The following DOCK2 variants were observed in gnomAD, a reference collection of about 807,000 sequenced individuals.
The protein encoded by DOCK2 is dedicator of cytokinesis 2.
DOCK2 carries 87 observed loss-of-function variants against 248.9 expected under a neutral mutation model. The ratio of observed to expected loss-of-function variants is 0.35; its 90% CI spans 0.29 to 0.42. DOCK2 has a LOEUF of 0.42. Ranked by LOEUF, DOCK2 falls within the 10% of genes least tolerant of loss-of-function variation. The pLI, the probability that DOCK2 is intolerant of heterozygous loss-of-function variation, is 1.00. For missense variants in DOCK2, 1,747 were observed against 2,300.2 expected, an observed-to-expected ratio of 0.76 and a Z score of 4.92; for synonymous variants, 805 against 821.6, an observed-to-expected ratio of 0.98 and a Z score of 0.35.
chr5:170,012,351 A>G (rs1191435886), intron 32 of DOCK2, among the ~76,000 whole-genome samples: 1 of 152,194 alleles, frequency 6.6e-6, no homozygotes, highest in Non-Finnish European at 1.5e-5. Context: ...CGTTTTTTCA[A>G]AGATGACTGA....
intron 25 of DOCK2, among the ~76,000 whole-genome samples, chr5:169,783,235 A>G (rs1381391653): frequency 2.6e-5 from 4 of 152,224 alleles, no homozygotes; most frequent in African/African-American, 9.6e-5. Context: ...AACTTTTATT[A>G]TATTAGATTT....
chr5:169,665,385 T>G (rs1758662180), intron 2 of DOCK2, among the ~76,000 whole-genome samples: 1 of 150,124 alleles, frequency 6.7e-6, no homozygotes, highest in South Asian at 2.1e-4. Flanking sequence ...TATATATAAA[T>G]ATGGTAGTGG....
At chr5:170,071,987 G>A (rs1757694574) in intron 46 of DOCK2, among the ~76,000 whole-genome samples, 1 of 152,074 alleles carries the variant, frequency 6.6e-6, no homozygotes, top group African/African-American at 2.4e-5. Flanking sequence ...CCGTACAGCT[G>A]GCTTATGTAA....
intron 27 of DOCK2, among the ~76,000 whole-genome samples, chr5:169,937,829 C>A (rs1776064141): frequency 6.6e-6 from 1 of 152,208 alleles, no homozygotes; most frequent in Non-Finnish European, 1.5e-5. Flanking sequence ...TTCTATTGGT[C>A]ACTGACAACA....
At chr5:170,054,664 G>A (rs1757051043) in intron 41 of DOCK2, among the ~76,000 whole-genome samples, 1 of 152,224 alleles carries the variant, frequency 6.6e-6, no homozygotes, top group South Asian at 2.1e-4. Context: ...ATTTTAGCAT[G>A]CATATGTTTC....
chr5:170,030,691 AGG>A (rs1756102413), intron 34 of DOCK2, among the ~76,000 whole-genome samples: 1 of 152,200 alleles, frequency 6.6e-6, no homozygotes, highest in Non-Finnish European at 1.5e-5. Flanking sequence ...TTTCACATAG[AGG>A]ACAGTCAATT....
chr5:170,057,622 C>T lies in DOCK2; in HGVS notation c.4423C>T (p.Leu1475=), dbSNP rs1308644847. Residue 1475 remains leucine, a synonymous_variant, in exon 44 of 52, where the codon CTG becomes TTG. Transcript: ENST00000520908. ...ERTSFVTAYK[L]PGILRWFEVV... ...AACCTCCTTCGTGACTGCATACAAG[C>T]TGCCGGGGATCCTGCGCTGGTTTGA... is the stretch of plus-strand genomic sequence containing the variant. 2.5e-6 allele frequency: 4 copies of T among 1,614,086 alleles called. No homozygotes were observed. The highest frequency in any genetic ancestry group is 2.2e-5 in the East Asian group (1 of 44,878).
intron 47 of DOCK2, 80 bp downstream of exon 47, chr5:170,076,164 G>A (rs1419393193): frequency 1.3e-6 from 2 of 1,548,480 alleles, no homozygotes; most frequent in East Asian, 2.3e-5. Context: ...TGAAGTTGGA[G>A]GGGATCCAGC....
At chr5:169,888,687 A>C (rs1320155866) in intron 27 of DOCK2, among the ~76,000 whole-genome samples, 1 of 152,180 alleles carries the variant, frequency 6.6e-6, no homozygotes, top group Non-Finnish European at 1.5e-5. Flanking sequence ...CCACTTTCTG[A>C]CTATTGACTT....
chr5:170,009,866 C>T (rs931638076), intron 32 of DOCK2, among the ~76,000 whole-genome samples: 2 of 152,178 alleles, frequency 1.3e-5, no homozygotes, highest in Admixed American at 1.3e-4. Flanking sequence ...AAGAGAAGTA[C>T]ATGCTGGATA....
At chr5:169,702,105 A>G (rs1761002746) in intron 13 of DOCK2, 198 bp from the exon 14 acceptor site, 4 of 450,284 alleles carry the variant, frequency 8.9e-6, no homozygotes, top group South Asian at 7.9e-5. Flanking sequence ...CTGATTTCCT[A>G]GCATCCCTTC....
intron 9 of DOCK2, among the ~76,000 whole-genome samples, chr5:169,691,984 T>C (rs1760330437): frequency 6.6e-6 from 1 of 152,064 alleles, no homozygotes; most frequent in Non-Finnish European, 1.5e-5. Context: ...GCCTCCCAAG[T>C]AGCTGAGACT....
chr5:169,727,921 C>T (rs762371418), intron 22 of DOCK2, among the ~76,000 whole-genome samples: 3 of 152,044 alleles, frequency 2.0e-5, no homozygotes, highest in East Asian at 1.9e-4. Context: ...AAGGTTAGTT[C>T]GTGGAAGATG....
intron 44 of DOCK2, among the ~76,000 whole-genome samples, chr5:170,062,809 C>A (rs1457091129): frequency 6.6e-6 from 1 of 152,080 alleles, no homozygotes; most frequent in Non-Finnish European, 1.5e-5. Context: ...AAAATGGAAT[C>A]CCCTGCTTCT....
At chr5:169,694,594 A>G (rs1279489913) in intron 9 of DOCK2, among the ~76,000 whole-genome samples, 1 of 152,178 alleles carries the variant, frequency 6.6e-6, no homozygotes, top group East Asian at 1.9e-4. Flanking sequence ...CAATAATTGT[A>G]TGTACTTCAG....
intron 44 of DOCK2, among the ~76,000 whole-genome samples, chr5:170,060,373 C>T (rs1757287472): frequency 6.6e-6 from 1 of 152,158 alleles, no homozygotes; most frequent in African/African-American, 2.4e-5. Context: ...AGTCCTAAAG[C>T]TATAAACTGG....
intron 27 of DOCK2, among the ~76,000 whole-genome samples, chr5:169,952,683 G>A (rs1282113373): frequency 4.6e-5 from 7 of 152,134 alleles, no homozygotes; most frequent in Non-Finnish European, 7.3e-5. Context: ...TCCTAATCCC[G>A]TGGATATCAT....
intron 1 of DOCK2, among the ~76,000 whole-genome samples, chr5:169,647,886 C>T (rs770358158): frequency 8.5e-5 from 13 of 152,136 alleles, no homozygotes; most frequent in Non-Finnish European, 1.6e-4. Context: ...TTTGTCTCTT[C>T]GACTAGATTT....
intron 14 of DOCK2, 144 bp from the exon 15 acceptor site, chr5:169,708,025 A>G (rs1428593910): frequency 2.8e-6 from 2 of 708,830 alleles, no homozygotes; most frequent in South Asian, 3.5e-5. Flanking sequence ...AGAAGGAGCC[A>G]TTATGGGCAC....
Sources: allele counts gnomAD v4.1 joint callset (sites outside exome capture counted in the v4.1 genomes callset), GRCh38; gene constraint gnomAD v4.1.1; transcripts MANE v1.5; gene names NCBI Gene and HGNC (gene_info 2026-07-23, HGNC 2026-07-21).